The following LRRC4C variants were observed in gnomAD, a reference collection of about 807,000 sequenced individuals.
LRRC4C encodes the protein leucine-rich repeat-containing protein 4C.
Under a neutral mutation model 33.6 loss-of-function variants are expected in LRRC4C, and 5 were observed. That is an observed-to-expected ratio of 0.15 (90% CI 0.08 to 0.31). LRRC4C has a LOEUF of 0.31. LRRC4C is among the 10% of genes least tolerant of loss of function. The pLI is 1.00. For synonymous variants in LRRC4C, 329 were observed against 302.0 expected (o/e 1.09, Z -0.93); for missense variants, 560 against 796.7 (o/e 0.70, Z 3.58).
intron 3 of LRRC4C, among the ~76,000 whole-genome samples, chr11:40,350,802 T>C (rs576413889): frequency 6.4e-4 from 98 of 152,202 alleles, no homozygotes; most frequent in South Asian, 1.2e-3. Context: ...ATTGTAGAGA[T>C]CTTTTACTTC....
chr11:41,123,191 G>A (rs1440447905), intron 1 of LRRC4C, among the ~76,000 whole-genome samples: 8 of 150,614 alleles, frequency 5.3e-5, no homozygotes, highest in Non-Finnish European at 1.0e-4. Context: ...CCTGGTCAGT[G>A]AGTCATCATA....
intron 2 of LRRC4C, among the ~76,000 whole-genome samples, chr11:40,724,621 A>T (rs1947195895): frequency 6.6e-6 from 1 of 152,202 alleles, no homozygotes; most frequent in Non-Finnish European, 1.5e-5. Context: ...CATTAAGAGG[A>T]AAGTTTGTAA....
At chr11:41,161,719 T>C (rs970243846) in intron 1 of LRRC4C, among the ~76,000 whole-genome samples, 10 of 152,200 alleles carry the variant, frequency 6.6e-5, no homozygotes, top group African/African-American at 1.4e-4. Context: ...ATACAGTTCA[T>C]CTTATGTGCA....
chr11:40,212,259 G>C (rs1486886734), intron 5 of LRRC4C, among the ~76,000 whole-genome samples: 1 of 152,026 alleles, frequency 6.6e-6, no homozygotes, highest in Non-Finnish European at 1.5e-5. Context: ...CCTGTTCTAG[G>C]TAAGGACATC....
chr11:40,913,460 T>C (rs552394343), intron 2 of LRRC4C, among the ~76,000 whole-genome samples: 488 of 152,056 alleles, frequency 3.2e-3, no homozygotes, highest in Non-Finnish European at 4.9e-3. Context: ...GGGTACATAA[T>C]GAAATGAAGG....
At chr11:40,571,086 G>T (rs1380876036) in intron 3 of LRRC4C, among the ~76,000 whole-genome samples, 1 of 151,994 alleles carries the variant, frequency 6.6e-6, no homozygotes. Context: ...TAGCTAAAGA[G>T]TTTTATGAAT....
chr11:40,134,511 C>T, intron 6 of LRRC4C, among the ~76,000 whole-genome samples: 1 of 152,006 alleles, frequency 6.6e-6, no homozygotes, highest in East Asian at 1.9e-4. Context: ...AACTACTGTC[C>T]ACAGGCAAAA....
intron 1 of LRRC4C, among the ~76,000 whole-genome samples, chr11:41,249,132 T>G (rs1200074822): frequency 6.6e-6 from 1 of 151,944 alleles, no homozygotes; most frequent in Non-Finnish European, 1.5e-5. Context: ...CCTCCCGGAT[T>G]CATGCCATTC....
chr11:40,714,750 A>T (rs148886667), intron 2 of LRRC4C, among the ~76,000 whole-genome samples: 1 of 152,324 alleles, frequency 6.6e-6, no homozygotes, highest in Admixed American at 6.5e-5. Context: ...ATGAAGTAGA[A>T]TAGAGATGCC....
chr11:40,666,395 A>G (rs963081448), intron 2 of LRRC4C, among the ~76,000 whole-genome samples: 3 of 152,126 alleles, frequency 2.0e-5, no homozygotes, highest in African/African-American at 7.2e-5. Context: ...TAGTAAGGAG[A>G]GAAGGTCATG....
chr11:40,781,777 C>T, intron 2 of LRRC4C, among the ~76,000 whole-genome samples: 1 of 152,156 alleles, frequency 6.6e-6, no homozygotes, highest in East Asian at 1.9e-4. Context: ...GAAATGGGTT[C>T]TCCCAATGCC....
At chr11:40,165,667 C>T (rs956517428) in intron 5 of LRRC4C, among the ~76,000 whole-genome samples, 2 of 152,070 alleles carry the variant, frequency 1.3e-5, no homozygotes, top group East Asian at 1.9e-4. Context: ...AAGAACATAC[C>T]GGGCATGGTG....
intron 2 of LRRC4C, among the ~76,000 whole-genome samples, chr11:40,770,931 C>G (rs1949728039): frequency 6.6e-6 from 1 of 152,140 alleles, no homozygotes; most frequent in African/African-American, 2.4e-5. Flanking sequence ...CATGCACTGG[C>G]ATTGAGTACC....
intron 1 of LRRC4C, among the ~76,000 whole-genome samples, chr11:41,386,363 T>C (rs1953360101): frequency 1.3e-5 from 2 of 151,696 alleles, no homozygotes; most frequent in South Asian, 2.1e-4. Context: ...GTTTCAAAAA[T>C]AGTATAGAGA....
intron 1 of LRRC4C, among the ~76,000 whole-genome samples, chr11:41,458,662 A>T (rs993883299): frequency 1.3e-5 from 2 of 151,904 alleles, no homozygotes; most frequent in Non-Finnish European, 2.9e-5. Context: ...TTGCTTTTAC[A>T]GCCAAGAATA....
At chr11:41,226,200 A>G (rs923897212) in intron 1 of LRRC4C, among the ~76,000 whole-genome samples, 4 of 152,082 alleles carry the variant, frequency 2.6e-5, no homozygotes, top group Non-Finnish European at 5.9e-5. Context: ...ACTCCCCTCT[A>G]TGGACCTTTC....
intron 1 of LRRC4C, among the ~76,000 whole-genome samples, chr11:41,117,366 A>G (rs1942187646): frequency 6.6e-6 from 1 of 152,216 alleles, no homozygotes; most frequent in Non-Finnish European, 1.5e-5. Flanking sequence ...AAGTATCAAC[A>G]TAACAAAATA....
chr11:40,480,963 A>T (rs1472893965), intron 3 of LRRC4C, among the ~76,000 whole-genome samples: 1 of 151,972 alleles, frequency 6.6e-6, no homozygotes, highest in Non-Finnish European at 1.5e-5. Context: ...TAAAGGGTCT[A>T]TATTTTCAGT....
intron 3 of LRRC4C, among the ~76,000 whole-genome samples, chr11:40,545,966 A>G (rs543128802): frequency 1.8e-4 from 27 of 152,164 alleles, no homozygotes; most frequent in African/African-American, 6.5e-4. Flanking sequence ...AGCGTGTTCT[A>G]TACTAATAGC....
Sources: allele counts gnomAD v4.1 joint callset (sites outside exome capture counted in the v4.1 genomes callset), GRCh38; gene constraint gnomAD v4.1.1; transcripts MANE v1.5; gene names NCBI Gene and HGNC (gene_info 2026-07-23, HGNC 2026-07-21).